Variants in KIFAP3 observed in about 807,000 individuals in gnomAD.
The protein encoded by KIFAP3 is kinesin-associated protein 3.
In KIFAP3, 68 loss-of-function variants were observed where a neutral mutation model predicts 106.5. That is an observed-to-expected ratio of 0.64 (90% CI 0.53 to 0.78). The LOEUF is 0.78. Among genes scored for constraint, KIFAP3 ranks in the 30% least tolerant of loss-of-function variants. The pLI, the probability that KIFAP3 is intolerant of heterozygous loss-of-function variation, is 0.00. For missense variants in KIFAP3, 780 were observed against 941.8 expected (o/e 0.83, Z 2.25); for synonymous variants, 320 against 311.5 (o/e 1.03, Z -0.29).
intron 3 of KIFAP3, among the ~76,000 whole-genome samples, chr1:170,040,067 G>C (rs1326773497): frequency 6.6e-6 from 1 of 152,116 alleles, no homozygotes; most frequent in Admixed American, 6.5e-5. Context: ...ATATATGATA[G>C]AATTAGTCAT....
intron 10 of KIFAP3, among the ~76,000 whole-genome samples, chr1:170,014,083 C>G (rs1398866206): frequency 6.6e-6 from 1 of 152,156 alleles, no homozygotes; most frequent in Non-Finnish European, 1.5e-5. Context: ...TACATCTTCT[C>G]TAAACGAGGT....
intron 1 of KIFAP3, among the ~76,000 whole-genome samples, chr1:170,079,876 A>G (rs1297216428): frequency 6.6e-6 from 1 of 151,816 alleles, no homozygotes; most frequent in South Asian, 2.1e-4. Flanking sequence ...TTTTTTTTTA[A>G]CAATATGAAG....
At chr1:169,931,538 C>T (rs664598) in intron 19 of KIFAP3, among the ~76,000 whole-genome samples, 142,398 of 152,274 alleles carry the variant, frequency 0.94, 66,672 homozygotes, top group East Asian at 0.99. Context: ...TTCCATTAAG[C>T]ACAAGGACTT....
chr1:170,084,242 A>G (rs1346499278), intron 1 of KIFAP3, among the ~76,000 whole-genome samples: 1 of 152,214 alleles, frequency 6.6e-6, no homozygotes, highest in African/African-American at 2.4e-5. Flanking sequence ...TGTAAGCTTC[A>G]GATGCAGTAC....
intron 19 of KIFAP3, among the ~76,000 whole-genome samples, chr1:169,948,184 G>C (rs1189010192): frequency 6.6e-6 from 1 of 151,616 alleles, no homozygotes; most frequent in Non-Finnish European, 1.5e-5. Flanking sequence ...CTTTCATAAA[G>C]GTTTTATTAA....
At chr1:169,999,320 G>A (rs962598220) in intron 10 of KIFAP3, among the ~76,000 whole-genome samples, 5 of 152,074 alleles carry the variant, frequency 3.3e-5, no homozygotes, top group African/African-American at 7.2e-5. Flanking sequence ...GTAGCTAACC[G>A]GCTATGATTC....
chr1:170,004,196 G>A (rs61825323), intron 10 of KIFAP3, among the ~76,000 whole-genome samples: 139,205 of 149,944 alleles, frequency 0.93, 64,671 homozygotes, highest in East Asian at 1. Context: ...ACTGCTCAGT[G>A]AAATAAAAGA....
intron 18 of KIFAP3, among the ~76,000 whole-genome samples, chr1:169,958,533 T>C (rs1665149650): frequency 6.6e-6 from 1 of 152,104 alleles, no homozygotes; most frequent in Admixed American, 6.5e-5. Flanking sequence ...AAATGATGAA[T>C]CTTATTAATA....
intron 10 of KIFAP3, among the ~76,000 whole-genome samples, chr1:170,012,579 C>T (rs1274218695): frequency 1.3e-5 from 2 of 152,064 alleles, no homozygotes; most frequent in African/African-American, 2.4e-5. Context: ...AACTGAATGT[C>T]TATGTTCCCC....
rs1664868701 is a variant in KIFAP3, at chr1:169,953,902, T to A, written c.2273+109A>T. On this transcript the variant is annotated intron_variant, in intron 19 of 19. Coordinates refer to ENST00000361580, the MANE Select transcript of KIFAP3 (RefSeq NM_014970.4). ...ACATGCCCTTGAAAAGATTGAGGGT[T>A]TTTTCCCCCCTCTTAATGAAAAAGA... 5.2e-6 allele frequency: 4 copies of A among 768,194 alleles called. No individual in the cohort carries two copies. In the Admixed American group the frequency reaches 8.1e-5, roughly 16 times the overall value. The allele number at this position is 768,194 out of a possible 1,614,324, so 47.6% of individuals were successfully genotyped here. A position where few individuals can be genotyped will look rare whatever the true frequency, so the allele number is the denominator to read the frequency against.
chr1:170,047,431 C>T (rs900183462), intron 2 of KIFAP3, among the ~76,000 whole-genome samples: 1 of 151,484 alleles, frequency 6.6e-6, no homozygotes. Flanking sequence ...ACCAGCCTGG[C>T]CAATATGGTG....
chr1:169,928,530 C>G (rs12141609), intron 19 of KIFAP3, among the ~76,000 whole-genome samples: 1 of 151,282 alleles, frequency 6.6e-6, no homozygotes, highest in Non-Finnish European at 1.5e-5. Context: ...AACCTCATTT[C>G]TACAAAAATA....
At chr1:170,063,594 C>T (rs973417718) in intron 1 of KIFAP3, among the ~76,000 whole-genome samples, 1 of 152,198 alleles carries the variant, frequency 6.6e-6, no homozygotes, top group African/African-American at 2.4e-5. Context: ...TCTTACTCTA[C>T]TGCAATACCG....
In KIFAP3 at chr1:169,954,117, A is replaced by AG. The variant is rs766744647; in HGVS notation, c.2174-8dup. ...TCAGAGGCAATTAATCCATCTAGAA[A>AG]GAAAAAAAAATGGTAACCAGTAAAA... is the stretch of plus-strand genomic sequence containing the variant. On this transcript the variant is annotated splice_region_variant and splice_polypyrimidine_tract_variant and intron_variant, in intron 18 of 19. Coordinates refer to ENST00000361580, the MANE Select transcript of KIFAP3 (RefSeq NM_014970.4). The AG allele has an allele frequency of 6.4e-6, 10 of 1,573,210 alleles. No individual in the cohort carries two copies. Among genetic ancestry groups the AG allele is most frequent in the Non-Finnish European group, 8.7e-6 (10 of 1,143,392 alleles).
At chr1:169,989,613 T>C (rs533624190) in intron 11 of KIFAP3, among the ~76,000 whole-genome samples, 2 of 152,182 alleles carry the variant, frequency 1.3e-5, no homozygotes, top group East Asian at 1.9e-4. Context: ...ACACTTTGCA[T>C]TGAGTATAGT....
rs182776261 is a variant in KIFAP3 at position 170,032,134 on chromosome 1, A to G, written c.743-150T>C. ...GTTTAACTAAAATGTTATCTGCATA[A>G]TAACTGTGCTGTAACAGCACTTCTT... On this transcript the variant is annotated intron_variant, in intron 7 of 19. Transcript: ENST00000361580. The G allele has an allele frequency of 9.1e-6, 5 of 548,364 alleles. No individual in the cohort carries two copies. In the Admixed American group the frequency reaches 1.5e-4, roughly 17 times the overall value. The allele number at this position is 548,364 out of a possible 1,614,324, so 34.0% of individuals were successfully genotyped here.
intron 11 of KIFAP3, among the ~76,000 whole-genome samples, 185 bp downstream of exon 11, chr1:169,991,970 T>C (rs1240651897): frequency 1.3e-5 from 2 of 151,988 alleles, no homozygotes; most frequent in Admixed American, 6.6e-5. Context: ...ATCTCTAAGT[T>C]TGGGATAATG....
chr1:169,986,052 A>C (rs1223227344), intron 11 of KIFAP3, among the ~76,000 whole-genome samples: 1 of 151,760 alleles, frequency 6.6e-6, no homozygotes, highest in Non-Finnish European at 1.5e-5. Context: ...AAAATTTATA[A>C]TATAAAAACT....
chr1:170,066,297 G>C (rs1466368529), intron 1 of KIFAP3, among the ~76,000 whole-genome samples: 1 of 151,162 alleles, frequency 6.6e-6, no homozygotes, highest in Non-Finnish European at 1.5e-5. Flanking sequence ...AAAATTAAGA[G>C]GGAAATAATC....
Sources: gnomAD v4.1 joint callset for allele counts (sites outside exome capture counted in the v4.1 genomes callset) on GRCh38, gnomAD v4.1.1 for gene constraint, MANE v1.5 for transcripts, NCBI Gene and HGNC (gene_info 2026-07-23, HGNC 2026-07-21) for gene names.